The following FOXL2NB variants were observed in gnomAD, a reference collection of about 807,000 sequenced individuals.
FOXL2NB encodes FOXL2 neighbor.
In FOXL2NB, 10 loss-of-function variants were observed where a neutral mutation model predicts 7.4. That is an observed-to-expected ratio of 1.34 (90% confidence interval 0.83 to 2.28). The LOEUF is 2.28. Among genes scored for constraint, FOXL2NB ranks in the 30% most tolerant of loss-of-function variants. The pLI is 0.00. For synonymous variants in FOXL2NB, 104 were observed against 105.3 expected, an observed-to-expected ratio of 0.99 and a Z score of 0.08; for missense variants, 228 against 233.9, an observed-to-expected ratio of 0.97 and a Z score of 0.17.
chr3:138,949,705 G>C lies in FOXL2NB; in HGVS notation c.220+66G>C, dbSNP rs764643142. On this transcript the variant is annotated intron_variant, in intron 2 of 2. Transcript: ENST00000383165. This position sits in a 1 kb window ranked among gnomAD's most constrained non-coding sequence, Gnocchi z 4.5. ...TTCAGGTCCCCTCCAGGCTTCTGCG[G>C]AAAAGCCAGGGGCTTCGGGCTGGAG... 3.1e-6 allele frequency: 5 copies of C among 1,606,044 alleles called. No individual in the cohort carries two copies. The South Asian group carries it at 3.3e-5, about 11-fold the overall frequency.
rs1936125212 is a variant in FOXL2NB, at chr3:138,951,229, T to C, written c.*657T>C. 6.6e-6 allele frequency: 1 copy of C among 152,330 alleles called. No homozygotes were observed. The highest frequency in any genetic ancestry group is 1.5e-5 in the Non-Finnish European group (1 of 68,164). 9.4% of individuals were successfully genotyped at this position (152,330 alleles called of 1,614,324 possible). On this transcript the variant is annotated 3_prime_UTR_variant, in exon 3 of 3. Coordinates refer to ENST00000383165, the MANE Select transcript of FOXL2NB (RefSeq NM_001040061.3). ...TAGCAAAGTCAGTTACTCACATATG[T>C]GCTTGGGAGAGAATAGGGGAGTGGA... is the stretch of plus-strand genomic sequence containing the variant.
rs914577426 is a variant in FOXL2NB, at chr3:138,947,510, A to T, written c.100+46A>T. 9.4e-6 allele frequency: 14 copies of T among 1,491,844 alleles called. No individual in the cohort carries two copies. The Admixed American group carries it at 3.0e-4, about 32-fold the overall frequency. 92.4% of individuals were successfully genotyped at this position (1,491,844 alleles called of 1,614,324 possible). On this transcript the variant is annotated intron_variant, in intron 1 of 2. Coordinates refer to ENST00000383165, the MANE Select transcript of FOXL2NB (RefSeq NM_001040061.3). This position sits in a 1 kb window ranked among gnomAD's most constrained non-coding sequence, Gnocchi z 5.2. The stretch of plus-strand genomic sequence containing the variant: ...TGCTCTGCCGTTTGCTGCCGTCTTG[A>T]GGCTGAACTTCTAGCTCGGGGCTGG...
Position 138,950,666 on chromosome 3 carries a change from G to C in FOXL2NB, c.*94G>C. ...CTTTGCACCCACACCTCAGGGACTC[G>C]GTGTCCCTCCACTCAGGTCACGTTA... On this transcript the variant is annotated 3_prime_UTR_variant, in exon 3 of 3. Coordinates refer to ENST00000383165, the MANE Select transcript of FOXL2NB (RefSeq NM_001040061.3). The C allele has an allele frequency of 3.7e-6, 5 of 1,336,234 alleles. No individual in the cohort carries two copies. The highest frequency in any genetic ancestry group is 2.5e-4 in the Middle Eastern group (1 of 4,002). The allele number at this position is 1,336,234 out of a possible 1,614,324, so 82.8% of individuals were successfully genotyped here.
In FOXL2NB at chr3:138,949,095, T is replaced by C. The variant is rs1219896598; in HGVS notation, c.101-425T>C. On this transcript the variant is annotated intron_variant, in intron 1 of 2. Transcript: ENST00000383165. This position sits in a 1 kb window ranked among gnomAD's most constrained non-coding sequence, Gnocchi z 4.5. ...GAGTCCGGTTTGGGGCTGCTGCAGA[T>C]TGGCCTCAGTGCCTATCCTCCCCCA... 6.6e-6 allele frequency among the ~76,000 whole-genome samples: 1 copy of C among 152,114 alleles called. No homozygotes were observed. Among genetic ancestry groups the C allele is most frequent in the African/African-American group, 2.4e-5 (1 of 41,426 alleles).
Position 138,949,744 on chromosome 3 carries a change from G to A in FOXL2NB, c.220+105G>A. The A allele has an allele frequency of 6.6e-7, 1 of 1,522,278 alleles. No individual in the cohort carries two copies. The highest frequency in any genetic ancestry group is 9.0e-7 in the Non-Finnish European group (1 of 1,105,980). The allele number at this position is 1,522,278 out of a possible 1,614,324, so 94.3% of individuals were successfully genotyped here. A position where few individuals can be genotyped will look rare whatever the true frequency, so the allele number is the denominator to read the frequency against. ...TTCGGGCTGGAGATAGAGGAATCTA[G>A]GGAGAGAACAGAATCCTCTCCTTGC... On this transcript the variant is annotated intron_variant, in intron 2 of 2. Transcript: ENST00000383165. The surrounding 1 kb of genome is among the most constrained non-coding windows in gnomAD (Gnocchi z 4.5).
chr3:138,948,470 G>T (rs1329419150), intron 1 of FOXL2NB, among the ~76,000 whole-genome samples: 1 of 152,242 alleles, frequency 6.6e-6, no homozygotes, highest in African/African-American at 2.4e-5. Flanking sequence ...AAAGTCTGCA[G>T]TCATAAAGTA....
Position 138,947,575 on chromosome 3 carries a change from G to A in FOXL2NB, c.100+111G>A. On this transcript the variant is annotated intron_variant, in intron 1 of 2. Transcript: ENST00000383165. The surrounding 1 kb of genome is among the most constrained non-coding windows in gnomAD (Gnocchi z 5.2). ...GCGAGGGGGCTGGACGGGGTAGGGT[G>A]GGGAGAGCTGCTCTGAGGCTTTGGG... 1.4e-6 allele frequency: 2 copies of A among 1,449,226 alleles called. No individual in the cohort carries two copies. Among genetic ancestry groups the A allele is most frequent in the East Asian group, 2.6e-5 (1 of 38,756 alleles). 89.8% of individuals were successfully genotyped at this position (1,449,226 alleles called of 1,614,324 possible). A position where few individuals can be genotyped will look rare whatever the true frequency, so the allele number is the denominator to read the frequency against.
rs1936025085 is a variant in FOXL2NB at position 138,947,981 on chromosome 3, G to C, written c.100+517G>C. 8.1e-6 allele frequency: 8 copies of C among 986,190 alleles called. No individual in the cohort carries two copies. The highest frequency in any genetic ancestry group is 9.6e-6 in the Non-Finnish European group (8 of 830,496). The allele number at this position is 986,190 out of a possible 1,614,324, so 61.1% of individuals were successfully genotyped here. On this transcript the variant is annotated intron_variant, in intron 1 of 2. Coordinates refer to ENST00000383165, the MANE Select transcript of FOXL2NB (RefSeq NM_001040061.3). This position sits in a 1 kb window ranked among gnomAD's most constrained non-coding sequence, Gnocchi z 5.2. Reference sequence around the variant, plus strand: ...GTCCTTGAGATGGGTGAGATACCAGGTGCATGTGTGCTGCTCAGAAACACA... The same window carrying C: ...GTCCTTGAGATGGGTGAGATACCAGCTGCATGTGTGCTGCTCAGAAACACA...
intron 1 of FOXL2NB, chr3:138,948,018 G>A (rs558916545): frequency 1.0e-6 from 1 of 982,892 alleles, no homozygotes; most frequent in Non-Finnish European, 1.2e-6. Flanking sequence ...GTATGCACAT[G>A]TACAAGGTGT....
At position 138,949,762 on chromosome 3, in the gene FOXL2NB, C is replaced by G. The variant is rs1936079483; in HGVS notation, c.220+123C>G. On this transcript the variant is annotated intron_variant, in intron 2 of 2. Coordinates refer to ENST00000383165, the MANE Select transcript of FOXL2NB (RefSeq NM_001040061.3). The surrounding 1 kb of genome is among the most constrained non-coding windows in gnomAD (Gnocchi z 4.5). Reference sequence around the variant, plus strand: ...GAATCTAGGGAGAGAACAGAATCCTCTCCTTGCCGGCCCAGCCAGAGGTGG... The same window carrying G: ...GAATCTAGGGAGAGAACAGAATCCTGTCCTTGCCGGCCCAGCCAGAGGTGG... 1.4e-6 allele frequency: 2 copies of G among 1,436,100 alleles called. No individual in the cohort carries two copies. Among genetic ancestry groups the G allele is most frequent in the Non-Finnish European group, 9.7e-7 (1 of 1,035,572 alleles). The allele number at this position is 1,436,100 out of a possible 1,614,324, so 89.0% of individuals were successfully genotyped here. A position where few individuals can be genotyped will look rare whatever the true frequency, so the allele number is the denominator to read the frequency against.
Position 138,953,510 on chromosome 3 carries a change from A to G in FOXL2NB, c.*2938A>G, listed in dbSNP as rs1936173876. ...GTATTCCATGGTGTATATATATCACATTTTCTTTATCCACTCATTGGTTGA... is the reference window on the plus strand; with the variant it reads ...GTATTCCATGGTGTATATATATCACGTTTTCTTTATCCACTCATTGGTTGA... On this transcript the variant is annotated 3_prime_UTR_variant, in exon 3 of 3. Transcript: ENST00000383165. 6.6e-6 allele frequency: 1 copy of G among 152,256 alleles called. No individual in the cohort carries two copies. The highest frequency in any genetic ancestry group is 2.4e-5 in the African/African-American group (1 of 41,540). 9.4% of individuals were successfully genotyped at this position (152,256 alleles called of 1,614,324 possible). A position where few individuals can be genotyped will look rare whatever the true frequency, so the allele number is the denominator to read the frequency against.
At chr3:138,950,162 C>A in intron 2 of FOXL2NB, 103 bp from the exon 3 acceptor site, 2 of 1,270,472 alleles carry the variant, frequency 1.6e-6, no homozygotes, top group Non-Finnish European at 2.3e-6. Context: ...TGAGCGCAGT[C>A]TCAGCTCCCG....
rs1312950268 is a variant in FOXL2NB at position 138,947,370 on chromosome 3, G to T, written c.6G>T (p.Thr2=). M[T]RTPVGSARTR... is the part of the protein sequence containing the mutation. ...TCTGCGGGCTGGGCTGGGAGATGAC[G>T]AGGACCCCGGTGGGGTCTGCCCGCA... The change falls in exon 1 of 3, where the codon ACG becomes ACT. Residue 2 remains threonine, a synonymous_variant. Transcript: ENST00000383165. This position sits in a 1 kb window ranked among gnomAD's most constrained non-coding sequence, Gnocchi z 5.2. 1.3e-6 allele frequency: 2 copies of T among 1,547,612 alleles called. No homozygotes were observed.
At position 138,949,488 on chromosome 3, in the gene FOXL2NB, T is replaced by TA. The variant is rs1936071219; in HGVS notation, c.101-31dup. On this transcript the variant is annotated intron_variant, in intron 1 of 2. Transcript: ENST00000383165. This position sits in a 1 kb window ranked among gnomAD's most constrained non-coding sequence, Gnocchi z 4.5. ...ATAGAAAGGAGTTCTGCTCTGAAAA[T>TA]ACTGATTTCTGACTGTCCCGTAGAG... is the stretch of plus-strand genomic sequence containing the variant. The TA allele has an allele frequency of 2.5e-6, 4 of 1,613,170 alleles. No individual in the cohort carries two copies. The African/African-American group carries it at 4.0e-5, about 16-fold the overall frequency.
At position 138,949,664 on chromosome 3, in the gene FOXL2NB, T is replaced by C. The variant is rs1175336304; in HGVS notation, c.220+25T>C. On this transcript the variant is annotated intron_variant, in intron 2 of 2. Coordinates refer to ENST00000383165, the MANE Select transcript of FOXL2NB (RefSeq NM_001040061.3). The surrounding 1 kb of genome is among the most constrained non-coding windows in gnomAD (Gnocchi z 4.5). Reference sequence around the variant, plus strand: ...GGCAAGAAAATGCGGGCGGGAAAGCTGGCAGAATGATTACTTTCAGGTCCC... The same window carrying C: ...GGCAAGAAAATGCGGGCGGGAAAGCCGGCAGAATGATTACTTTCAGGTCCC... The C allele has an allele frequency of 6.2e-7, 1 of 1,613,842 alleles. No individual in the cohort carries two copies. Among genetic ancestry groups the C allele is most frequent in the Non-Finnish European group, 8.5e-7 (1 of 1,179,980 alleles).
intron 1 of FOXL2NB, chr3:138,948,064 T>G (rs1222068812): frequency 1.3e-6 from 1 of 768,730 alleles, no homozygotes; most frequent in African/African-American, 1.9e-5. Context: ...ACACTTATAC[T>G]GATAGTTATG....
rs1481283768 is a variant in FOXL2NB, at chr3:138,949,908, T to G, written c.220+269T>G. The G allele has an allele frequency of 4.4e-6, 3 of 688,588 alleles. No individual in the cohort carries two copies. Among genetic ancestry groups the G allele is most frequent in the Non-Finnish European group, 7.9e-6 (3 of 378,358 alleles). The allele number at this position is 688,588 out of a possible 1,614,324, so 42.7% of individuals were successfully genotyped here. A position where few individuals can be genotyped will look rare whatever the true frequency, so the allele number is the denominator to read the frequency against. On this transcript the variant is annotated intron_variant, in intron 2 of 2. Coordinates refer to ENST00000383165, the MANE Select transcript of FOXL2NB (RefSeq NM_001040061.3). This position sits in a 1 kb window ranked among gnomAD's most constrained non-coding sequence, Gnocchi z 4.5. ...TGAACAGGGCATACTGTGCCTAGGT[T>G]TTGTGGACGCCAGGGCCGGTTCCTT...
chr3:138,949,458 T>G lies in FOXL2NB; in HGVS notation c.101-62T>G, dbSNP rs1420151086. Reference sequence around the variant, plus strand: ...ATGAAGGAGTTCCTCTGAAGGATTTTCAGAATAGAAAGGAGTTCTGCTCTG... The same window carrying G: ...ATGAAGGAGTTCCTCTGAAGGATTTGCAGAATAGAAAGGAGTTCTGCTCTG... On this transcript the variant is annotated intron_variant, in intron 1 of 2. Coordinates refer to ENST00000383165, the MANE Select transcript of FOXL2NB (RefSeq NM_001040061.3). The surrounding 1 kb of genome is among the most constrained non-coding windows in gnomAD (Gnocchi z 4.5). 1 of 1,602,720 alleles carries G rather than the reference T, an allele frequency of 6.2e-7. No homozygotes were observed. Among genetic ancestry groups the G allele is most frequent in the Non-Finnish European group, 8.5e-7 (1 of 1,173,430 alleles).
At position 138,947,741 on chromosome 3, in the gene FOXL2NB, C is replaced by T; in HGVS notation, c.100+277C>T. On this transcript the variant is annotated intron_variant, in intron 1 of 2. Coordinates refer to ENST00000383165, the MANE Select transcript of FOXL2NB (RefSeq NM_001040061.3). This position sits in a 1 kb window ranked among gnomAD's most constrained non-coding sequence, Gnocchi z 5.2. ...TCGTCAGGGGCGCCGCCTGAATCAC[C>T]TCTGCCTCTCCCTGCGTTACCAGTG... The T allele has an allele frequency of 4.2e-6, 5 of 1,180,838 alleles. No individual in the cohort carries two copies. Among genetic ancestry groups the T allele is most frequent in the Non-Finnish European group, 5.2e-6 (5 of 953,810 alleles). The allele number at this position is 1,180,838 out of a possible 1,614,324, so 73.1% of individuals were successfully genotyped here. A position where few individuals can be genotyped will look rare whatever the true frequency, so the allele number is the denominator to read the frequency against.
Sources: gnomAD v4.1 joint callset for allele counts (sites outside exome capture counted in the v4.1 genomes callset) on GRCh38, gnomAD v4.1.1 for gene constraint, Gnocchi (gnomAD v3.1) non-coding constraint, MANE v1.5 for transcripts, NCBI Gene and HGNC (gene_info 2026-07-23, HGNC 2026-07-21) for gene names.